MS4A14: variants seen among roughly 807,000 people sequenced by gnomAD.
The protein encoded by MS4A14 is membrane spanning 4-domains A14.
A neutral mutation model predicts 16.7 loss-of-function variants in MS4A14; 18 were observed. The observed-to-expected ratio is 1.08, with a 90% CI of 0.75 to 1.60. The LOEUF (loss-of-function observed/expected upper bound fraction) is 1.60, where lower values mean the gene tolerates loss of function less well. Among genes scored for constraint, MS4A14 ranks in the 40% most tolerant of loss-of-function variants. MS4A14 has a pLI of 0.00. For missense variants in MS4A14, 812 were observed against 775.3 expected, an observed-to-expected ratio of 1.05 and a Z score of -0.56; for synonymous variants, 305 against 289.4, an observed-to-expected ratio of 1.05 and a Z score of -0.55.
At chr11:60,400,289 A>G in intron 2 of MS4A14, 115 bp from the exon 3 acceptor site, 1 of 623,970 alleles carries the variant, frequency 1.6e-6, no homozygotes, top group Non-Finnish European at 2.8e-6. Context: ...TCAGGTGGAA[A>G]AACGGGATGG....
At position 60,415,957 on chromosome 11, in the gene MS4A14, T is replaced by G; in HGVS notation, c.989T>G (p.Leu330Arg). The G allele has an allele frequency of 6.2e-7, 1 of 1,614,002 alleles. No individual in the cohort carries two copies. The highest frequency in any genetic ancestry group is 1.1e-5 in the South Asian group (1 of 91,080). Residue 330 changes from leucine to arginine, a missense_variant, in exon 5 of 5, where the codon CTG (leucine) becomes CGG (arginine). Coordinates refer to ENST00000300187, the MANE Select transcript of MS4A14 (RefSeq NM_032597.5). ...LPSQALPVEGLSEQTMPSKST... is the reference protein window; with the variant it reads ...LPSQALPVEGRSEQTMPSKST... ...TCCCAAGCTCTACCAGTAGAAGGCC[T>G]GTCAGAACAAACCATGCCATCTAAG...
chr11:60,409,794 C>T (rs1590816517), intron 4 of MS4A14, among the ~76,000 whole-genome samples: 1 of 149,108 alleles, frequency 6.7e-6, no homozygotes, highest in East Asian at 2.0e-4. Flanking sequence ...TTCTTTCTTT[C>T]CTTCTTTCCT....
chr11:60,416,514 C>T lies in MS4A14; in HGVS notation c.1546C>T (p.His516Tyr). The T allele has an allele frequency of 6.2e-7, 1 of 1,613,886 alleles. No individual in the cohort carries two copies. Among genetic ancestry groups the T allele is most frequent in the African/African-American group, 1.3e-5 (1 of 75,022 alleles). Residue 516 changes from histidine to tyrosine, a missense_variant, in exon 5 of 5, where the codon CAT becomes TAT. His to Tyr is a moderately conservative substitution (Grantham distance 83). Transcript: ENST00000300187. Reference protein sequence around the residue: ...QAKGQKSSKRHSLDQQSKGWQ... With the variant: ...QAKGQKSSKRYSLDQQSKGWQ... Reference sequence around the variant, plus strand: ...CAAAGGCCAGAAATCCTCAAAGAGGCATTCCTTAGATCAGCAAAGCAAAGG... The same window carrying T: ...CAAAGGCCAGAAATCCTCAAAGAGGTATTCCTTAGATCAGCAAAGCAAAGG...
At chr11:60,406,242 T>C (rs565354345) in intron 4 of MS4A14, among the ~76,000 whole-genome samples, 28 of 152,330 alleles carry the variant, frequency 1.8e-4, no homozygotes, top group Non-Finnish European at 4.0e-4. Flanking sequence ...CATAGCTCCT[T>C]ATGTCTCTGC....
chr11:60,407,072 T>A (rs115453163), intron 4 of MS4A14, among the ~76,000 whole-genome samples: 3,466 of 134,968 alleles, frequency 0.026, 153 homozygotes, highest in African/African-American at 0.083. Flanking sequence ...TGGAATGCAG[T>A]GGCACTGTCT....
chr11:60,414,671 A>T (rs891340156), intron 4 of MS4A14, among the ~76,000 whole-genome samples: 1 of 152,120 alleles, frequency 6.6e-6, no homozygotes, highest in Non-Finnish European at 1.5e-5. Flanking sequence ...TTGTAAAGGA[A>T]AGTCCAAATT....
chr11:60,406,732 T>C (rs960512856), intron 4 of MS4A14, among the ~76,000 whole-genome samples: 5 of 152,220 alleles, frequency 3.3e-5, no homozygotes, highest in African/African-American at 1.2e-4. Context: ...AATGTACCTA[T>C]GTTTAGCTAC....
chr11:60,399,575 T>C (rs763018709), intron 2 of MS4A14, among the ~76,000 whole-genome samples: 1 of 152,136 alleles, frequency 6.6e-6, no homozygotes, highest in Non-Finnish European at 1.5e-5. Context: ...TATCATTGTG[T>C]TTTTAGAGTG....
At chr11:60,400,332 T>C in intron 2 of MS4A14, 72 bp from the exon 3 acceptor site, 1 of 1,080,566 alleles carries the variant, frequency 9.3e-7, no homozygotes. Flanking sequence ...ATTTTGCAAA[T>C]CCAAGGGAAA....
chr11:60,405,233 C>T (rs1270982648), intron 4 of MS4A14, among the ~76,000 whole-genome samples: 1 of 152,148 alleles, frequency 6.6e-6, no homozygotes, highest in Non-Finnish European at 1.5e-5. Context: ...GCATGCACCA[C>T]CAGGCCCAGC....
chr11:60,411,802 A>T (rs1691818068), intron 4 of MS4A14, among the ~76,000 whole-genome samples: 1 of 152,132 alleles, frequency 6.6e-6, no homozygotes, highest in African/African-American at 2.4e-5. Flanking sequence ...TTAGTACAAT[A>T]TTTAATAGCA....
In MS4A14 at chr11:60,417,196, A is replaced by C. The variant is rs2085961247; in HGVS notation, c.*188A>C. ...AAGACACTCAAGATAAAGACCAACAAGACCTTCAATCCAGAGTTACACAAA... is the reference window on the plus strand; with the variant it reads ...AAGACACTCAAGATAAAGACCAACACGACCTTCAATCCAGAGTTACACAAA... On this transcript the variant is annotated 3_prime_UTR_variant, in exon 5 of 5. Transcript: ENST00000300187. 1.6e-6 allele frequency: 1 copy of C among 630,178 alleles called. No individual in the cohort carries two copies. The highest frequency in any genetic ancestry group is 2.3e-5 in the South Asian group (1 of 44,154). The allele number at this position is 630,178 out of a possible 1,614,324, so 39.0% of individuals were successfully genotyped here. A position where few individuals can be genotyped will look rare whatever the true frequency, so the allele number is the denominator to read the frequency against.
chr11:60,398,986 T>C (rs2085670640), intron 2 of MS4A14, among the ~76,000 whole-genome samples: 1 of 152,236 alleles, frequency 6.6e-6, no homozygotes, highest in South Asian at 2.1e-4. Flanking sequence ...AATGAGATTC[T>C]GGCATGCTGC....
intron 4 of MS4A14, among the ~76,000 whole-genome samples, chr11:60,405,371 G>A (rs567133191): frequency 3.9e-5 from 6 of 152,244 alleles, no homozygotes; most frequent in East Asian, 3.9e-4. Flanking sequence ...GAGCCACCGC[G>A]CCCGGCCAAC....
chr11:60,408,278 T>A (rs2085817259), intron 4 of MS4A14, among the ~76,000 whole-genome samples: 1 of 152,232 alleles, frequency 6.6e-6, no homozygotes. Flanking sequence ...TCTTCATTTC[T>A]GTGTCTTTAG....
intron 3 of MS4A14, among the ~76,000 whole-genome samples, chr11:60,401,205 C>T (rs2085708409): frequency 6.6e-6 from 1 of 152,174 alleles, no homozygotes; most frequent in South Asian, 2.1e-4. Context: ...TCCTTTCTAA[C>T]CACTCTGATC....
chr11:60,411,944 T>G (rs532831106), intron 4 of MS4A14, among the ~76,000 whole-genome samples: 10 of 152,210 alleles, frequency 6.6e-5, no homozygotes, highest in African/African-American at 2.2e-4. Context: ...TTTCCATCTC[T>G]TCCTAGTTTT....
At chr11:60,406,122 G>C (rs2085782959) in intron 4 of MS4A14, 1 of 595,866 alleles carries the variant, frequency 1.7e-6, no homozygotes, top group South Asian at 2.5e-5. Flanking sequence ...TCTAAATTTA[G>C]GAAGGTCAGA....
intron 4 of MS4A14, chr11:60,405,793 C>T: frequency 2.3e-6 from 2 of 871,458 alleles, no homozygotes; most frequent in Non-Finnish European, 3.5e-6. Flanking sequence ...ATGGGTTTCC[C>T]ATACTTGGTG....
Sources: allele counts gnomAD v4.1 joint callset (sites outside exome capture counted in the v4.1 genomes callset), GRCh38; gene constraint gnomAD v4.1.1; transcripts MANE v1.5; gene names NCBI Gene and HGNC (gene_info 2026-07-23, HGNC 2026-07-21).